The following SENP7 variants were observed in gnomAD, a reference collection of about 807,000 sequenced individuals.
The protein encoded by SENP7 is SUMO specific peptidase 7, also known as sentrin-specific protease 7.
In SENP7, 64 loss-of-function variants were observed where a neutral mutation model predicts 141.2. The ratio of observed to expected loss-of-function variants is 0.45; its 90% CI spans 0.37 to 0.56. SENP7 has a LOEUF of 0.56. Ranked by LOEUF, SENP7 falls within the 20% of genes least tolerant of loss-of-function variation. SENP7 has a pLI of 0.00. For missense variants in SENP7, 1,025 were observed against 1,212.2 expected (o/e 0.85, Z 2.29); for synonymous variants, 382 against 426.4 (o/e 0.90, Z 1.28).
intron 5 of SENP7, among the ~76,000 whole-genome samples, chr3:101,400,369 C>T (rs2061100242): frequency 6.6e-6 from 1 of 152,064 alleles, no homozygotes; most frequent in African/African-American, 2.4e-5. Flanking sequence ...TTCACAGATA[C>T]TGTGTTTTTC....
chr3:101,503,007 T>C (rs533528083), intron 1 of SENP7, among the ~76,000 whole-genome samples: 14 of 151,426 alleles, frequency 9.2e-5, no homozygotes, highest in African/African-American at 3.4e-4. Context: ...ATATTTATAA[T>C]ACATGTATTT....
intron 3 of SENP7, among the ~76,000 whole-genome samples, chr3:101,481,660 A>G (rs2064487388): frequency 6.6e-6 from 1 of 152,256 alleles, no homozygotes; most frequent in South Asian, 2.1e-4. Flanking sequence ...TGTTCTCAAT[A>G]CATAGAAATA....
intron 13 of SENP7, among the ~76,000 whole-genome samples, chr3:101,346,415 C>CCTTTT (rs1403355915): frequency 6.4e-4 from 97 of 152,232 alleles, no homozygotes; most frequent in African/African-American, 2.2e-3. Context: ...TGGGTATCTA[C>CCTTTT]CCAGAGGAAA....
intron 15 of SENP7, 125 bp from the exon 16 acceptor site, chr3:101,340,336 T>C: frequency 4.3e-6 from 5 of 1,155,006 alleles, no homozygotes; most frequent in Non-Finnish European, 6.0e-6. Flanking sequence ...GTAAAAAACA[T>C]TTGACCAGGC....
chr3:101,327,632 T>A (rs1355014289), intron 23 of SENP7, 34 bp downstream of exon 23: 1 of 1,545,824 alleles, frequency 6.5e-7, no homozygotes, highest in East Asian at 2.3e-5. Flanking sequence ...TGGTGGTAAC[T>A]GTGAATTAAA....
intron 3 of SENP7, among the ~76,000 whole-genome samples, chr3:101,462,732 G>A (rs2063588041): frequency 6.6e-6 from 1 of 151,846 alleles, no homozygotes; most frequent in Non-Finnish European, 1.5e-5. Flanking sequence ...GCTGGGCGTG[G>A]TGGTGCATGC....
At position 101,344,991 on chromosome 3, in the gene SENP7, CAAAAAAAAAAAAA is replaced by C. The variant is rs71132568; in HGVS notation, c.1838-1050_1838-1038del. The stretch of plus-strand genomic sequence containing the variant: ...AGCCCATCTCTAGAAAAAAAGAAAG[CAAAAAAAAAAAAA>C]AAAAAAAAAAAAAGGAGAAGAAAGA... On this transcript the variant is annotated intron_variant, in intron 13 of 23. Coordinates refer to ENST00000394095, the MANE Select transcript of SENP7 (RefSeq NM_020654.5). Among the ~76,000 whole-genome samples, 5 of 61,352 alleles carry C rather than the reference CAAAAAAAAAAAAA, an allele frequency of 8.1e-5. No homozygotes were observed. The East Asian group carries it at 1.9e-3, about 23-fold the overall frequency. The allele number at this position is 61,352 out of a possible 152,430, so 40.2% of individuals were successfully genotyped here.
chr3:101,348,198 T>G, intron 12 of SENP7, 147 bp from the exon 13 acceptor site: 12 of 488,284 alleles, frequency 2.5e-5, no homozygotes, highest in Non-Finnish European at 3.4e-5. Context: ...CCAGTGCACT[T>G]TGCTAACCTT....
chr3:101,370,635 G>C (rs1263768319), intron 7 of SENP7, among the ~76,000 whole-genome samples: 1 of 151,610 alleles, frequency 6.6e-6, no homozygotes, highest in Non-Finnish European at 1.5e-5. Flanking sequence ...TTCCATCTTT[G>C]CTAGGTTGAA....
At chr3:101,388,243 G>A (rs2060715520) in intron 6 of SENP7, among the ~76,000 whole-genome samples, 1 of 151,980 alleles carries the variant, frequency 6.6e-6, no homozygotes, top group Non-Finnish European at 1.5e-5. Flanking sequence ...GGGGTCCAAG[G>A]ACCAGCACAT....
chr3:101,510,843 C>CA (rs377579284), intron 1 of SENP7, among the ~76,000 whole-genome samples: 22,630 of 78,068 alleles, frequency 0.29, 3,800 homozygotes, highest in African/African-American at 0.44. Flanking sequence ...GACTCCATCT[C>CA]AAAAAAAAAA....
intron 6 of SENP7, among the ~76,000 whole-genome samples, chr3:101,379,515 G>A (rs1576158185): frequency 6.6e-6 from 1 of 151,902 alleles, no homozygotes; most frequent in Non-Finnish European, 1.5e-5. Flanking sequence ...TTCAAAAGCA[G>A]GCAAAGTACT....
At chr3:101,337,679 T>G in intron 16 of SENP7, 48 bp from the exon 17 acceptor site, 1 of 1,444,056 alleles carries the variant, frequency 6.9e-7, no homozygotes, top group Non-Finnish European at 9.2e-7. Flanking sequence ...AGATTTTACT[T>G]GGTCGTCCCC....
intron 11 of SENP7, among the ~76,000 whole-genome samples, chr3:101,353,944 T>C (rs2059673526): frequency 2.0e-5 from 3 of 152,112 alleles, no homozygotes; most frequent in African/African-American, 7.2e-5. Context: ...CTAATATCTT[T>C]ACCCACCAAA....
chr3:101,409,935 C>T (rs551777573), intron 5 of SENP7, among the ~76,000 whole-genome samples: 2 of 152,082 alleles, frequency 1.3e-5, no homozygotes, highest in South Asian at 2.1e-4. Context: ...TTAAATTGCT[C>T]GGAGTTAACT....
chr3:101,471,127 T>C (rs547299734), intron 3 of SENP7, among the ~76,000 whole-genome samples: 131 of 152,326 alleles, frequency 8.6e-4, no homozygotes, highest in African/African-American at 2.4e-3. Flanking sequence ...CCAATGACTT[T>C]CTTCACAGAA....
At chr3:101,345,796 A>T (rs1425929758) in intron 13 of SENP7, among the ~76,000 whole-genome samples, 4 of 152,250 alleles carry the variant, frequency 2.6e-5, no homozygotes, top group African/African-American at 7.2e-5. Context: ...TAAATCTATG[A>T]CATGGAACTA....
intron 6 of SENP7, among the ~76,000 whole-genome samples, chr3:101,376,496 G>A (rs2060332687): frequency 6.6e-6 from 1 of 152,080 alleles, no homozygotes; most frequent in South Asian, 2.1e-4. Flanking sequence ...GTAAAGTATA[G>A]TATTACAGAC....
intron 4 of SENP7, among the ~76,000 whole-genome samples, chr3:101,448,346 C>A (rs1257565451): frequency 2.4e-4 from 37 of 152,088 alleles, no homozygotes; most frequent in Admixed American, 2.4e-3. Flanking sequence ...AATCATATAC[C>A]TGATAAGGGA....
Sources: gnomAD v4.1 joint callset for allele counts (sites outside exome capture counted in the v4.1 genomes callset) on GRCh38, gnomAD v4.1.1 for gene constraint, MANE v1.5 for transcripts, NCBI Gene and HGNC (gene_info 2026-07-23, HGNC 2026-07-21) for gene names.